The following CPNE2 variants were observed in gnomAD, a reference collection of about 807,000 sequenced individuals.
CPNE2 encodes copine 2, also known as copine-2.
Under a neutral mutation model 69.7 loss-of-function variants are expected in CPNE2, and 42 were observed. That is an observed-to-expected ratio of 0.60 (90% confidence interval 0.47 to 0.78). CPNE2 has a LOEUF of 0.78. CPNE2 is among the 30% of genes least tolerant of loss of function. The pLI is 0.00. For synonymous variants in CPNE2, 294 were observed against 289.8 expected (o/e 1.01, Z -0.15); for missense variants, 587 against 732.0 (o/e 0.80, Z 2.29).
intron 1 of CPNE2, among the ~76,000 whole-genome samples, chr16:57,097,476 C>T (rs1441377941): frequency 6.6e-6 from 1 of 152,210 alleles, no homozygotes; most frequent in African/African-American, 2.4e-5. Context: ...CATCTGTGCA[C>T]AACCCTCTTC....
chr16:57,127,979 G>C (rs929568127), intron 12 of CPNE2, 76 bp downstream of exon 12: 4 of 1,487,524 alleles, frequency 2.7e-6, no homozygotes, highest in Middle Eastern at 2.0e-4. Context: ...ATCAGCTCTG[G>C]AAAGGTCTTG....
Position 57,121,748 on chromosome 16 carries a change from G to A in CPNE2, c.855G>A (p.Leu285=). 1 of 1,614,174 alleles carries A rather than the reference G, an allele frequency of 6.2e-7. No homozygotes were observed. Among genetic ancestry groups the A allele is most frequent in the Non-Finnish European group, 8.5e-7 (1 of 1,180,036 alleles). ...KNYKNSGIII[L]RSCKINRDYS... ...ATAAAAACTCGGGCATCATCATCCT[G>A]CGATCCTGCAAGGTGAACCAGCGTG... The change falls in exon 9 of 16, where the codon CTG becomes CTA. Residue 285 remains leucine (L), a synonymous_variant. Transcript: ENST00000290776.
intron 4 of CPNE2, among the ~76,000 whole-genome samples, chr16:57,117,141 G>C (rs1021997706): frequency 6.6e-6 from 1 of 152,030 alleles, no homozygotes; most frequent in South Asian, 2.1e-4. Flanking sequence ...TGTGGCTGCC[G>C]CAGGGGCAGG....
chr16:57,117,649 T>C, intron 5 of CPNE2, 82 bp downstream of exon 5: 1 of 1,475,946 alleles, frequency 6.8e-7, no homozygotes, highest in Middle Eastern at 1.7e-4. Flanking sequence ...TTCCGGGACC[T>C]CGGGCCACCA....
intron 1 of CPNE2, among the ~76,000 whole-genome samples, chr16:57,095,592 C>T (rs2069573736): frequency 6.6e-6 from 1 of 152,178 alleles, no homozygotes; most frequent in South Asian, 2.1e-4. Flanking sequence ...TGTGCCTTAG[C>T]CTCCCAAGTA....
intron 1 of CPNE2, among the ~76,000 whole-genome samples, chr16:57,100,446 C>T (rs1300999613): frequency 6.6e-6 from 1 of 152,216 alleles, no homozygotes; most frequent in Non-Finnish European, 1.5e-5. Flanking sequence ...AGAGGTTTTT[C>T]TCATTTTGAG....
rs558341519 is a variant in CPNE2, at chr16:57,098,406, G to A, written c.-36+5616G>A. Among the ~76,000 whole-genome samples the A allele has an allele frequency of 2.6e-5, 4 of 152,314 alleles. No individual in the cohort carries two copies. In the East Asian group the frequency reaches 7.7e-4, roughly 29 times the overall value. On this transcript the variant is annotated intron_variant, in intron 1 of 15. Transcript: ENST00000290776. ...GGTCAGGAGTGCCAGCCTGCTCCCC[G>A]GGGGCTGCCTGTCGCCTGGCAGGAG...
At chr16:57,118,699 T>C (rs921777546) in intron 5 of CPNE2, among the ~76,000 whole-genome samples, 2 of 152,032 alleles carry the variant, frequency 1.3e-5, no homozygotes, top group Non-Finnish European at 2.9e-5. Flanking sequence ...GATAGATAGA[T>C]AGATAGATAG....
At chr16:57,114,895 G>A (rs938043092) in intron 3 of CPNE2, among the ~76,000 whole-genome samples, 1 of 129,626 alleles carries the variant, frequency 7.7e-6, no homozygotes. Flanking sequence ...CCTGGAGTTC[G>A]AGACCAGCCT....
At chr16:57,098,691 T>A (rs2069594039) in intron 1 of CPNE2, among the ~76,000 whole-genome samples, 1 of 152,208 alleles carries the variant, frequency 6.6e-6, no homozygotes, top group South Asian at 2.1e-4. Context: ...TTCCAAGATG[T>A]TATGGTTCCT....
chr16:57,137,273 G>A lies in CPNE2; in HGVS notation c.1293G>A (p.Arg431=). The A allele has an allele frequency of 6.2e-7, 1 of 1,614,146 alleles. No homozygotes were observed. Among genetic ancestry groups the A allele is most frequent in the African/African-American group, 1.3e-5 (1 of 75,074 alleles). Residue 431 remains arginine, a synonymous_variant, in exon 14 of 16, where the codon CGG becomes CGA. Transcript: ENST00000290776. ...ARFAAQATQQ[R]TATQYFILLI... is the part of the protein sequence containing the mutation. ...TTGCGGCCCAGGCCACACAACAGCGGACGGCCACGGTGAGTAGGCAGCTGC... is the reference window on the plus strand; with the variant it reads ...TTGCGGCCCAGGCCACACAACAGCGAACGGCCACGGTGAGTAGGCAGCTGC...
intron 7 of CPNE2, among the ~76,000 whole-genome samples, chr16:57,119,878 T>G (rs1050641433): frequency 3.3e-5 from 5 of 152,210 alleles, no homozygotes; most frequent in Admixed American, 2.6e-4. Flanking sequence ...AAAACTCTCT[T>G]GCCCTCCCCA....
intron 12 of CPNE2, 140 bp from the exon 13 acceptor site, chr16:57,134,635 T>A: frequency 2.5e-6 from 2 of 803,566 alleles, no homozygotes; most frequent in Non-Finnish European, 4.1e-6. Flanking sequence ...ATGTGGGGGG[T>A]ATCAGTGGCC....
intron 12 of CPNE2, among the ~76,000 whole-genome samples, chr16:57,131,893 C>T (rs1293348375): frequency 6.6e-6 from 1 of 152,230 alleles, no homozygotes; most frequent in Non-Finnish European, 1.5e-5. Context: ...CGGGGAGTGG[C>T]CTGCCCTCTG....
chr16:57,138,333 G>T (rs2069897830), intron 14 of CPNE2, among the ~76,000 whole-genome samples: 1 of 152,104 alleles, frequency 6.6e-6, no homozygotes, highest in African/African-American at 2.4e-5. Context: ...AGGTCTCTCA[G>T]TGGACCCTGC....
At chr16:57,138,708 G>C (rs1245308650) in intron 14 of CPNE2, among the ~76,000 whole-genome samples, 1 of 152,158 alleles carries the variant, frequency 6.6e-6, no homozygotes, top group Non-Finnish European at 1.5e-5. Context: ...CCCTGATGAT[G>C]GTCGGCAATG....
chr16:57,113,078 A>G (rs2069691692), intron 2 of CPNE2: 2 of 522,984 alleles, frequency 3.8e-6, no homozygotes, highest in Non-Finnish European at 6.8e-6. Flanking sequence ...GCCCTGCTCC[A>G]CAAGCTGTCC....
intron 10 of CPNE2, 31 bp from the exon 11 acceptor site, chr16:57,125,829 C>T (rs1461713028): frequency 6.2e-7 from 1 of 1,613,452 alleles, no homozygotes; most frequent in Admixed American, 1.7e-5. Flanking sequence ...GTCTCTGGCC[C>T]CACTGGGTGG....
chr16:57,133,939 G>T (rs1279084155), intron 12 of CPNE2, among the ~76,000 whole-genome samples: 2 of 152,126 alleles, frequency 1.3e-5, no homozygotes, highest in Non-Finnish European at 2.9e-5. Context: ...GGGGCTGTGG[G>T]GCTGCAAGAG....
Sources: gnomAD v4.1 joint callset for allele counts (sites outside exome capture counted in the v4.1 genomes callset) on GRCh38, gnomAD v4.1.1 for gene constraint, MANE v1.5 for transcripts, NCBI Gene and HGNC (gene_info 2026-07-23, HGNC 2026-07-21) for gene names.